CHD6: variants seen among roughly 807,000 people sequenced by gnomAD.
The protein encoded by CHD6 is chromodomain helicase DNA binding protein 6.
In CHD6, 50 loss-of-function variants were observed where a neutral mutation model predicts 276.9. The observed-to-expected ratio is 0.18, with a 90% CI of 0.14 to 0.23. The LOEUF (loss-of-function observed/expected upper bound fraction) is 0.23, where lower values mean the gene tolerates loss of function less well. Ranked by LOEUF, CHD6 falls within the 10% of genes least tolerant of loss-of-function variation. The pLI is 1.00. For missense variants in CHD6, 2,564 were observed against 3,365.8 expected (o/e 0.76, Z 5.89); for synonymous variants, 1,173 against 1,229.3 (o/e 0.95, Z 0.96).
chr20:41,509,434 T>G (rs2044060338), intron 5 of CHD6, among the ~76,000 whole-genome samples: 1 of 152,110 alleles, frequency 6.6e-6, no homozygotes, highest in Non-Finnish European at 1.5e-5. Context: ...CAATGACAGT[T>G]AAACATATTA....
chr20:41,476,580 G>C (rs2043172185), intron 16 of CHD6, among the ~76,000 whole-genome samples: 1 of 152,072 alleles, frequency 6.6e-6, no homozygotes, highest in South Asian at 2.1e-4. Context: ...AAATACTTAG[G>C]ATTTAATTCA....
chr20:41,534,038 C>T (rs973846450), intron 2 of CHD6, among the ~76,000 whole-genome samples: 2 of 152,104 alleles, frequency 1.3e-5, no homozygotes, highest in African/African-American at 4.8e-5. Flanking sequence ...AAAGTACAGC[C>T]CCCCAAAGTG....
At chr20:41,457,464 G>A (rs372800505) in intron 17 of CHD6, 36 bp from the exon 18 acceptor site, 56 of 1,589,610 alleles carry the variant, frequency 3.5e-5, no homozygotes, top group Middle Eastern at 1.7e-4. Context: ...TCACGTCACC[G>A]TATGTATAAA....
At chr20:41,432,160 C>CAAAAAAAAAAAAAAAAAA (rs572447937) in intron 27 of CHD6, among the ~76,000 whole-genome samples, 7 of 58,988 alleles carry the variant, frequency 1.2e-4, no homozygotes, top group Non-Finnish European at 1.9e-4. Context: ...AACTCCGTCT[C>CAAAAAAAAAAAAAAAAAA]AAAAAAAAAA....
At chr20:41,448,213 C>T (rs2048128207) in intron 23 of CHD6, among the ~76,000 whole-genome samples, 1 of 152,114 alleles carries the variant, frequency 6.6e-6, no homozygotes, top group Non-Finnish European at 1.5e-5. Context: ...CCACAGGAGG[C>T]AGCAGGAACA....
At chr20:41,477,778 G>A (rs762141086) in intron 16 of CHD6, among the ~76,000 whole-genome samples, 18 of 152,172 alleles carry the variant, frequency 1.2e-4, no homozygotes, top group Non-Finnish European at 2.1e-4. Context: ...ATCAAACATT[G>A]GTGGCACTAG....
At chr20:41,499,692 A>T (rs1478560864) in intron 5 of CHD6, among the ~76,000 whole-genome samples, 1 of 152,180 alleles carries the variant, frequency 6.6e-6, no homozygotes, top group African/African-American at 2.4e-5. Context: ...AATTTTCAGA[A>T]AGCTCTAAGA....
intron 2 of CHD6, among the ~76,000 whole-genome samples, chr20:41,550,211 A>G (rs1472114151): frequency 6.6e-6 from 1 of 152,202 alleles, no homozygotes; most frequent in Non-Finnish European, 1.5e-5. Flanking sequence ...TTTTGCTATC[A>G]TACATGAAAC....
At chr20:41,615,349 CAA>C (rs11379388) in intron 1 of CHD6, among the ~76,000 whole-genome samples, 14 of 124,274 alleles carry the variant, frequency 1.1e-4, no homozygotes, top group Middle Eastern at 4.4e-3. Flanking sequence ...CATTCCATTG[CAA>C]AAAAAAAAAA....
chr20:41,604,030 T>A (rs1405310003), intron 1 of CHD6, among the ~76,000 whole-genome samples: 2 of 112,688 alleles, frequency 1.8e-5, no homozygotes, highest in African/African-American at 3.4e-5. Context: ...TGGGGGTGGG[T>A]AGGTAGGGGG....
chr20:41,414,010 T>G (rs1422403576), intron 34 of CHD6: 2 of 152,262 alleles, frequency 1.3e-5, no homozygotes, highest in Non-Finnish European at 2.9e-5. Context: ...CATCAATAAA[T>G]TAAAAAAATA....
intron 1 of CHD6, among the ~76,000 whole-genome samples, chr20:41,576,568 C>G (rs145862005): frequency 0.011 from 1,709 of 152,174 alleles, 35 homozygotes; most frequent in African/African-American, 0.04. Flanking sequence ...ACCTGTAGTC[C>G]CAGGCTGAGG....
intron 7 of CHD6, 52 bp from the exon 8 acceptor site, chr20:41,497,553 G>C (rs749331101): frequency 1.6e-6 from 2 of 1,226,628 alleles, no homozygotes; most frequent in Admixed American, 1.7e-5. Flanking sequence ...GCAAATGATC[G>C]AGCTTTAAGG....
chr20:41,579,437 C>CAA lies in CHD6; in HGVS notation c.-23-28079_-23-28078dup, dbSNP rs574347177. ...TGGGCGACAGAGTGAGACTCTGTCT[C>CAA]AAAAAAAAAAAAAAAAAATCTTAAA... is the stretch of plus-strand genomic sequence containing the variant. On this transcript the variant is annotated intron_variant, in intron 1 of 36. Transcript: ENST00000373233. 2.2e-3 allele frequency among the ~76,000 whole-genome samples: 157 copies of CAA among 69,954 alleles called. 1 individual carries two copies. Among genetic ancestry groups the CAA allele is most frequent in the Middle Eastern group, 7.4e-3 (1 of 136 alleles). The allele number at this position is 69,954 out of a possible 152,430, so 45.9% of individuals were successfully genotyped here.
At chr20:41,588,699 TAA>T (rs1295713443) in intron 1 of CHD6, among the ~76,000 whole-genome samples, 1 of 152,108 alleles carries the variant, frequency 6.6e-6, no homozygotes, top group East Asian at 1.9e-4. Context: ...CCCTGCAAAC[TAA>T]AAGAGTCTAA....
rs531239711 is a variant in CHD6 at position 41,550,292 on chromosome 20, C to T, written c.33+1013G>A. ...TCCACAGGATAAGTTCCTGGTACATCGAACTGCATTCCATGTAGCGTCTGC... is the reference window on the plus strand; with the variant it reads ...TCCACAGGATAAGTTCCTGGTACATTGAACTGCATTCCATGTAGCGTCTGC... On this transcript the variant is annotated intron_variant, in intron 2 of 36. Coordinates refer to ENST00000373233, the MANE Select transcript of CHD6 (RefSeq NM_032221.5). Among the ~76,000 whole-genome samples, 21 of 152,198 alleles carry T rather than the reference C, an allele frequency of 1.4e-4. 2 individuals are homozygous for T. The highest frequency in any genetic ancestry group is 3.1e-4 in the Non-Finnish European group (21 of 68,024).
intron 5 of CHD6, among the ~76,000 whole-genome samples, chr20:41,509,474 C>A (rs965000363): frequency 6.6e-5 from 10 of 152,104 alleles, no homozygotes; most frequent in Admixed American, 5.9e-4. Context: ...GGGAGGGGCA[C>A]TTATCCCCAG....
In CHD6 at chr20:41,452,622, C is replaced by T. The variant is rs774096995; in HGVS notation, c.3323+118G>A. ...AGTTCTCTCTTGCTCCAACAGATCC[C>T]CCTTTGCCCTATAATTCCAAAGGTG... On this transcript the variant is annotated intron_variant, in intron 21 of 36. Transcript: ENST00000373233. The surrounding 1 kb of genome is among the most constrained non-coding windows in gnomAD (Gnocchi z 4.2). The T allele has an allele frequency of 6.9e-6, 6 of 871,084 alleles. No homozygotes were observed. The highest frequency in any genetic ancestry group is 1.1e-5 in the Non-Finnish European group (6 of 556,986). The allele number at this position is 871,084 out of a possible 1,614,324, so 54.0% of individuals were successfully genotyped here.
chr20:41,438,838 G>T (rs1458356886), intron 26 of CHD6, among the ~76,000 whole-genome samples: 1 of 152,200 alleles, frequency 6.6e-6, no homozygotes, highest in Non-Finnish European at 1.5e-5. Flanking sequence ...ACATCTCCCA[G>T]AATGCATCTC....
Sources: gnomAD v4.1 joint callset for allele counts (sites outside exome capture counted in the v4.1 genomes callset) on GRCh38, gnomAD v4.1.1 for gene constraint, Gnocchi (gnomAD v3.1) non-coding constraint, MANE v1.5 for transcripts, NCBI Gene and HGNC (gene_info 2026-07-23, HGNC 2026-07-21) for gene names.